The following KATNAL2 variants were observed in gnomAD, a reference collection of about 807,000 sequenced individuals.
KATNAL2 encodes katanin catalytic subunit A1 like 2, also known as katanin p60 ATPase-containing subunit A-like 2.
A neutral mutation model predicts 76.3 loss-of-function variants in KATNAL2; 52 were observed. The ratio of observed to expected loss-of-function variants is 0.68; its 90% CI spans 0.55 to 0.86. The LOEUF is 0.86. KATNAL2 is among the 40% of genes least tolerant of loss of function. The pLI, the probability that KATNAL2 is intolerant of heterozygous loss-of-function variation, is 0.00. For missense variants in KATNAL2, 660 were observed against 668.9 expected, an observed-to-expected ratio of 0.99 and a Z score of 0.15; for synonymous variants, 243 against 244.2, an observed-to-expected ratio of 1.00 and a Z score of 0.05.
chr18:47,097,781 A>G (rs553072510), intron 15 of KATNAL2, among the ~76,000 whole-genome samples: 1 of 152,312 alleles, frequency 6.6e-6, no homozygotes, highest in East Asian at 1.9e-4. Context: ...TTTGTTGTAT[A>G]GGTGAACTTG....
chr18:47,069,330 G>A, intron 12 of KATNAL2, 47 bp downstream of exon 12: 1 of 1,515,884 alleles, frequency 6.6e-7, no homozygotes, highest in East Asian at 2.3e-5. Context: ...TGTGTGTGCA[G>A]AGGATGAGTT....
At chr18:47,034,565 T>C in intron 3 of KATNAL2, 2 of 1,614,198 alleles carry the variant, frequency 1.2e-6, no homozygotes, top group Non-Finnish European at 1.7e-6. Context: ...AAGGGGCGTT[T>C]TTCCTGGCGA....
chr18:47,069,489 A>G lies in KATNAL2; in HGVS notation c.897A>G (p.Gly299=). The G allele has an allele frequency of 6.2e-7, 1 of 1,610,732 alleles. No homozygotes were observed. Among genetic ancestry groups the G allele is most frequent in the Non-Finnish European group, 8.5e-7 (1 of 1,178,054 alleles). The part of the protein sequence containing the change: ...GLLLYGPPGT[G]KTLLAKAVAT... ...TTATGTGTTTCTCTTTAGGTACAGG[A>G]AAGACTTTACTGGCCAAAGCTGTGG... is the stretch of plus-strand genomic sequence containing the variant. The change falls in exon 13 of 18, where the codon GGA becomes GGG. Residue 299 remains glycine, a synonymous_variant. Coordinates refer to ENST00000683218, the MANE Select transcript of KATNAL2 (RefSeq NM_001387690.1).
At chr18:46,962,189 C>T (rs1465309637) in intron 3 of KATNAL2, among the ~76,000 whole-genome samples, 2 of 144,154 alleles carry the variant, frequency 1.4e-5, no homozygotes, top group African/African-American at 2.8e-5. Context: ...TTTGTGGAGA[C>T]GGGGTTTCTC....
chr18:47,051,990 A>G (rs1056843842), intron 4 of KATNAL2, among the ~76,000 whole-genome samples: 7 of 152,230 alleles, frequency 4.6e-5, no homozygotes, highest in African/African-American at 1.4e-4. Flanking sequence ...AATGAAACAG[A>G]AAGAACTCTA....
At chr18:47,039,136 T>C in intron 3 of KATNAL2, among the ~76,000 whole-genome samples, 1 of 152,338 alleles carries the variant, frequency 6.6e-6, no homozygotes, top group Non-Finnish European at 1.5e-5. Context: ...GTTAGACTAT[T>C]TATTTTATAT....
chr18:47,058,158 C>G, intron 6 of KATNAL2, 77 bp from the exon 7 acceptor site: 1 of 988,488 alleles, frequency 1.0e-6, no homozygotes, highest in Non-Finnish European at 1.6e-6. Context: ...ATGTGCTATT[C>G]TTAAGAATAG....
At chr18:47,066,808 T>C (rs1353818021) in intron 10 of KATNAL2, among the ~76,000 whole-genome samples, 12 of 138,688 alleles carry the variant, frequency 8.7e-5, no homozygotes, top group African/African-American at 2.9e-4. Context: ...ATGGCATACC[T>C]TTGGTGAACT....
At chr18:47,036,634 T>C (rs577629804) in intron 3 of KATNAL2, among the ~76,000 whole-genome samples, 1 of 152,386 alleles carries the variant, frequency 6.6e-6, no homozygotes, top group African/African-American at 2.4e-5. Flanking sequence ...TCTCTAGCTA[T>C]TATTGTTGAA....
intron 3 of KATNAL2, chr18:46,963,136 G>GCA (rs778619243): frequency 1.9e-6 from 2 of 1,033,146 alleles, no homozygotes; most frequent in South Asian, 3.1e-5. Context: ...CGCAGCCGCT[G>GCA]CTCTCGGGCG....
intron 3 of KATNAL2, chr18:47,034,649 G>A: frequency 6.2e-7 from 1 of 1,613,914 alleles, no homozygotes; most frequent in Non-Finnish European, 8.5e-7. Flanking sequence ...GGACACAGCA[G>A]AGGCCCGCCC....
chr18:47,081,359 T>G (rs2062512228), intron 15 of KATNAL2, among the ~76,000 whole-genome samples: 1 of 152,222 alleles, frequency 6.6e-6, no homozygotes, highest in Non-Finnish European at 1.5e-5. Flanking sequence ...AAAAATAAAT[T>G]GGTGAAATTA....
chr18:47,046,293 C>G, intron 3 of KATNAL2, 164 bp from the exon 4 acceptor site: 1 of 580,190 alleles, frequency 1.7e-6, no homozygotes, highest in Admixed American at 3.2e-5. Flanking sequence ...AAGAAAATAA[C>G]AATGGAAAAC....
At chr18:46,955,093 T>TCCTC (rs1201064030) in intron 3 of KATNAL2, among the ~76,000 whole-genome samples, 6 of 113,468 alleles carry the variant, frequency 5.3e-5, no homozygotes, top group Non-Finnish European at 5.7e-5. Flanking sequence ...CTCCCTCCCT[T>TCCTC]CCTCCCTCCC....
At chr18:46,940,351 A>G (rs931663313) in intron 1 of KATNAL2, among the ~76,000 whole-genome samples, 5 of 152,252 alleles carry the variant, frequency 3.3e-5, no homozygotes, top group African/African-American at 1.2e-4. Context: ...AAGATCCAAT[A>G]AAAGCTCTTT....
chr18:47,073,905 G>A (rs1183355583), intron 13 of KATNAL2, among the ~76,000 whole-genome samples: 4 of 152,190 alleles, frequency 2.6e-5, no homozygotes, highest in Admixed American at 6.5e-5. Flanking sequence ...GACTCCAGGC[G>A]TGGTTCTCCT....
intron 13 of KATNAL2, among the ~76,000 whole-genome samples, chr18:47,073,536 A>C (rs1346137867): frequency 6.6e-6 from 1 of 152,204 alleles, no homozygotes; most frequent in Non-Finnish European, 1.5e-5. Context: ...CTTTCAAAGA[A>C]AGCAAACCCT....
At chr18:47,071,453 A>G (rs1292233817) in intron 13 of KATNAL2, among the ~76,000 whole-genome samples, 1 of 152,208 alleles carries the variant, frequency 6.6e-6, no homozygotes, top group Non-Finnish European at 1.5e-5. Flanking sequence ...ATATGCCTAG[A>G]GACGACTGTA....
intron 3 of KATNAL2, among the ~76,000 whole-genome samples, chr18:46,947,316 T>A (rs2059411207): frequency 6.6e-6 from 1 of 152,184 alleles, no homozygotes; most frequent in African/African-American, 2.4e-5. Context: ...GTTAGAATAT[T>A]GGCTTCTGAT....
Sources: allele counts gnomAD v4.1 joint callset (sites outside exome capture counted in the v4.1 genomes callset), GRCh38; gene constraint gnomAD v4.1.1; transcripts MANE v1.5; gene names NCBI Gene and HGNC (gene_info 2026-07-23, HGNC 2026-07-21).